Variants in SMU1 observed in about 807,000 individuals in gnomAD.
The protein encoded by SMU1 is WD40 repeat-containing protein SMU1.
In SMU1, 2 loss-of-function variants were observed where a neutral mutation model predicts 62.0. The ratio of observed to expected loss-of-function variants is 0.03; its 90% CI spans 0.01 to 0.10. The LOEUF is 0.10. Among genes scored for constraint, SMU1 ranks in the 10% least tolerant of loss-of-function variants. The pLI, the probability that SMU1 is intolerant of heterozygous loss-of-function variation, is 1.00. For synonymous variants in SMU1, 188 were observed against 212.4 expected (o/e 0.89, Z 1.00); for missense variants, 227 against 622.1 (o/e 0.36, Z 6.76).
chr9:33,073,538 T>C, intron 2 of SMU1, 58 bp downstream of exon 2: 1 of 1,284,056 alleles, frequency 7.8e-7, no homozygotes, highest in Non-Finnish European at 1.1e-6. Flanking sequence ...GCTTTTTAGT[T>C]GGGGAGCTGG....
chr9:33,073,884 C>T, intron 1 of SMU1, 78 bp from the exon 2 acceptor site: 1 of 1,278,556 alleles, frequency 7.8e-7, no homozygotes, highest in Non-Finnish European at 1.1e-6. Context: ...AGCTCCTACT[C>T]AATCATCTTC....
chr9:33,076,375 C>T (rs1839546266), intron 1 of SMU1, among the ~76,000 whole-genome samples: 2 of 152,196 alleles, frequency 1.3e-5, no homozygotes, highest in African/African-American at 4.8e-5. Context: ...TGCCACCTCC[C>T]TCGAGGTTTT....
chr9:33,049,788 A>ACACACACACACACAC (rs1564019330), intron 10 of SMU1, among the ~76,000 whole-genome samples: 10 of 150,942 alleles, frequency 6.6e-5, no homozygotes, highest in Non-Finnish European at 7.4e-5. Flanking sequence ...ACACACACAC[A>ACACACACACACACAC]AAAGTCGGGC....
chr9:33,061,796 G>A (rs1057093247), intron 5 of SMU1, among the ~76,000 whole-genome samples: 23 of 152,224 alleles, frequency 1.5e-4, no homozygotes, highest in Non-Finnish European at 2.9e-4. Flanking sequence ...GGCTTCTTGG[G>A]AAGAAGTGCA....
chr9:33,049,160 G>A (rs1302108244), intron 10 of SMU1, among the ~76,000 whole-genome samples: 4 of 152,106 alleles, frequency 2.6e-5, no homozygotes, highest in Non-Finnish European at 4.4e-5. Context: ...CCAGAATAGC[G>A]AACTCAATGT....
At chr9:33,061,290 T>C (rs1217164654) in intron 5 of SMU1, among the ~76,000 whole-genome samples, 1 of 152,190 alleles carries the variant, frequency 6.6e-6, no homozygotes, top group African/African-American at 2.4e-5. Context: ...CCCAGCAGCA[T>C]AATAATGATG....
At chr9:33,048,044 G>A in intron 11 of SMU1, 62 bp downstream of exon 11, 1 of 1,515,446 alleles carries the variant, frequency 6.6e-7, no homozygotes, top group Non-Finnish European at 9.1e-7. Context: ...ACATACTTCA[G>A]AGTTCAGAAA....
chr9:33,069,538 C>A (rs1275617570), intron 3 of SMU1, among the ~76,000 whole-genome samples: 1 of 152,204 alleles, frequency 6.6e-6, no homozygotes, highest in Non-Finnish European at 1.5e-5. Flanking sequence ...GGGTGGCTCA[C>A]GCCTGTAATC....
intron 10 of SMU1, 123 bp downstream of exon 10, chr9:33,053,000 G>A: frequency 1.3e-6 from 1 of 797,116 alleles, no homozygotes. Flanking sequence ...AACAAATACA[G>A]CTTAAACGGT....
intron 3 of SMU1, among the ~76,000 whole-genome samples, chr9:33,069,924 G>A (rs1038858348): frequency 6.6e-6 from 1 of 152,120 alleles, no homozygotes; most frequent in Non-Finnish European, 1.5e-5. Context: ...CCAGGACTTC[G>A]AGACCAACCT....
chr9:33,051,118 CT>C (rs1839243139), intron 10 of SMU1, among the ~76,000 whole-genome samples: 1 of 60,800 alleles, frequency 1.6e-5, no homozygotes, highest in Non-Finnish European at 3.8e-5. Flanking sequence ...GAGACTCTGT[CT>C]CAAAAAAAAA....
At chr9:33,048,574 T>C (rs1839211545) in intron 10 of SMU1, among the ~76,000 whole-genome samples, 1 of 152,202 alleles carries the variant, frequency 6.6e-6, no homozygotes, top group African/African-American at 2.4e-5. Flanking sequence ...TAAATCAATA[T>C]ACCAGTATTT....
intron 4 of SMU1, among the ~76,000 whole-genome samples, chr9:33,064,093 A>T (rs1263517255): frequency 6.6e-6 from 1 of 151,976 alleles, no homozygotes; most frequent in Non-Finnish European, 1.5e-5. Flanking sequence ...GCTGCAAAGA[A>T]TTCTTTTACC....
At chr9:33,049,764 CCACACACACA>C (rs61036431) in intron 10 of SMU1, among the ~76,000 whole-genome samples, 8 of 148,406 alleles carry the variant, frequency 5.4e-5, no homozygotes, top group Non-Finnish European at 6.0e-5. Context: ...GACCCCATTT[CCACACACACA>C]CACACACACA....
Position 33,073,638 on chromosome 9 carries a change from A to G in SMU1, c.195T>C (p.Ser65=). 1.2e-6 allele frequency: 2 copies of G among 1,612,746 alleles called. No individual in the cohort carries two copies. Among genetic ancestry groups the G allele is most frequent in the Non-Finnish European group, 1.7e-6 (2 of 1,179,832 alleles). Residue 65 remains serine, a synonymous_variant, in exon 2 of 12, where the codon TCT becomes TCC. Transcript: ENST00000397149. ...HWDTVLQAIQ[S]LKLPDKTLID... is the part of the protein sequence containing the mutation. ...TGAGGGTTTTGTCTGGCAATTTCAGAGACTGTATAGCCTGCAACACAGTAT... is the reference window on the plus strand; with the variant it reads ...TGAGGGTTTTGTCTGGCAATTTCAGGGACTGTATAGCCTGCAACACAGTAT...
rs572372046 is a variant in SMU1, at chr9:33,075,271, G to C, written c.26+1312C>G. ...GGGCGCCTGTAGTCCCAGCTACTCG[G>C]GAGGCTGAGGCAGGAGAATGGCGTG... On this transcript the variant is annotated intron_variant, in intron 1 of 11. Transcript: ENST00000397149. Among the ~76,000 whole-genome samples the C allele has an allele frequency of 1.1e-3, 166 of 152,290 alleles. 3 individuals carry two copies. Among genetic ancestry groups the C allele is most frequent in the African/African-American group, 3.8e-3 (159 of 41,570 alleles).
intron 4 of SMU1, 71 bp downstream of exon 4, chr9:33,068,753 C>T (rs2117858310): frequency 1.3e-6 from 2 of 1,551,372 alleles, no homozygotes; most frequent in Non-Finnish European, 1.8e-6. Context: ...GATTCTCCTG[C>T]CTCAGCCTCC....
At chr9:33,066,505 TAA>T (rs35501819) in intron 4 of SMU1, among the ~76,000 whole-genome samples, 3 of 100,146 alleles carry the variant, frequency 3.0e-5, no homozygotes, top group Non-Finnish European at 1.9e-5. Flanking sequence ...TCCATTTAAT[TAA>T]AAAAAAAAAA....
At position 33,053,116 on chromosome 9, in the gene SMU1, C is replaced by G. The variant is rs758048064; in HGVS notation, c.1290+7G>C. 2.1e-5 allele frequency: 34 copies of G among 1,611,778 alleles called. No homozygotes were observed. The South Asian group carries it at 3.5e-4, about 17-fold the overall frequency. On this transcript the variant is annotated splice_region_variant and intron_variant, in intron 10 of 11. Coordinates refer to ENST00000397149, the MANE Select transcript of SMU1 (RefSeq NM_018225.3). ...TTCCTGTGCAAGGGTACGTTCTGAA[C>G]ACTCACCTGCCCCTGCATGTTCATG...
Sources: allele counts gnomAD v4.1 joint callset (sites outside exome capture counted in the v4.1 genomes callset), GRCh38; gene constraint gnomAD v4.1.1; transcripts MANE v1.5; gene names NCBI Gene and HGNC (gene_info 2026-07-23, HGNC 2026-07-21).